ARID4B: variants seen among roughly 807,000 people sequenced by gnomAD.
ARID4B encodes AT-rich interaction domain 4B.
In ARID4B, 26 loss-of-function variants were observed where a neutral mutation model predicts 147.5. The ratio of observed to expected loss-of-function variants is 0.18; its 90% CI spans 0.13 to 0.24. ARID4B has a LOEUF of 0.24. ARID4B is among the 10% of genes least tolerant of loss of function. The pLI is 1.00. For synonymous variants in ARID4B, 512 were observed against 507.9 expected, an observed-to-expected ratio of 1.01 and a Z score of -0.11; for missense variants, 1,179 against 1,511.5, an observed-to-expected ratio of 0.78 and a Z score of 3.65.
chr1:235,203,399 T>C (rs1011411220), intron 17 of ARID4B, among the ~76,000 whole-genome samples: 3 of 152,190 alleles, frequency 2.0e-5, no homozygotes, highest in Non-Finnish European at 4.4e-5. Context: ...AGTTAATATA[T>C]ACCTAAAAAG....
At chr1:235,302,180 G>GAA (rs1673214959) in intron 2 of ARID4B, among the ~76,000 whole-genome samples, 1 of 39,686 alleles carries the variant, frequency 2.5e-5, no homozygotes, top group Non-Finnish European at 4.8e-5. Flanking sequence ...AAAAAAAACA[G>GAA]CAAAAAAAAA....
chr1:235,187,453 A>G (rs1217924004), intron 19 of ARID4B, among the ~76,000 whole-genome samples: 1 of 152,098 alleles, frequency 6.6e-6, no homozygotes, highest in African/African-American at 2.4e-5. Flanking sequence ...CCCTATTAAA[A>G]CTTGATTGAC....
intron 2 of ARID4B, among the ~76,000 whole-genome samples, chr1:235,274,261 C>T (rs1333180781): frequency 6.6e-6 from 1 of 151,336 alleles, no homozygotes; most frequent in Non-Finnish European, 1.5e-5. Flanking sequence ...GCTTGGGAGG[C>T]TACTTGGGAG....
intron 16 of ARID4B, among the ~76,000 whole-genome samples, chr1:235,215,587 T>TGTGTGTGTG (rs1553293298): frequency 1.2e-5 from 1 of 80,370 alleles, no homozygotes; most frequent in Non-Finnish European, 3.2e-5. Context: ...GTGTATATAT[T>TGTGTGTGTG]TTTCCCCCCC....
At chr1:235,201,756 T>C (rs941822267) in intron 17 of ARID4B, among the ~76,000 whole-genome samples, 1 of 151,866 alleles carries the variant, frequency 6.6e-6, no homozygotes, top group African/African-American at 2.4e-5. Context: ...CGGTGGCGCA[T>C]GTCTATAATC....
intron 21 of ARID4B, among the ~76,000 whole-genome samples, chr1:235,176,437 CAAA>C (rs34808765): frequency 4.7e-3 from 106 of 22,474 alleles, no homozygotes; most frequent in African/African-American, 9.7e-3. Flanking sequence ...ACAACATCAC[CAAA>C]AAAAAAAAAA....
intron 2 of ARID4B, among the ~76,000 whole-genome samples, chr1:235,279,001 T>A (rs1246115320): frequency 6.6e-6 from 1 of 152,038 alleles, no homozygotes; most frequent in East Asian, 1.9e-4. Context: ...AGCCTCCACC[T>A]CCCAGGCTGA....
intron 19 of ARID4B, among the ~76,000 whole-genome samples, chr1:235,183,190 T>C (rs994031054): frequency 6.6e-6 from 1 of 152,014 alleles, no homozygotes; most frequent in Admixed American, 6.6e-5. Flanking sequence ...TAATCCCAGA[T>C]TGTGCTACCT....
intron 2 of ARID4B, among the ~76,000 whole-genome samples, chr1:235,316,923 C>T (rs1368943423): frequency 1.3e-5 from 2 of 152,164 alleles, no homozygotes; most frequent in Non-Finnish European, 2.9e-5. Context: ...GTTCATGTTA[C>T]ACCAAAGGGA....
At chr1:235,176,437 CAAAAAAAAAA>C (rs34808765) in intron 21 of ARID4B, among the ~76,000 whole-genome samples, 74 of 22,532 alleles carry the variant, frequency 3.3e-3, no homozygotes, top group Middle Eastern at 0.045. Context: ...ACAACATCAC[CAAAAAAAAAA>C]AAAAAAAAAA....
At chr1:235,243,974 T>C (rs1227259121) in intron 7 of ARID4B, among the ~76,000 whole-genome samples, 4 of 152,176 alleles carry the variant, frequency 2.6e-5, no homozygotes, top group African/African-American at 9.6e-5. Context: ...TACACAATTT[T>C]ATGAATATAC....
chr1:235,286,632 T>G (rs139243633), intron 2 of ARID4B, among the ~76,000 whole-genome samples: 2 of 152,154 alleles, frequency 1.3e-5, no homozygotes, highest in Non-Finnish European at 2.9e-5. Flanking sequence ...AGAGCTATAG[T>G]GCATGAGGAA....
At chr1:235,242,170 C>A (rs1669027244) in intron 7 of ARID4B, among the ~76,000 whole-genome samples, 2 of 151,754 alleles carry the variant, frequency 1.3e-5, no homozygotes, top group African/African-American at 4.8e-5. Context: ...ATTGCCTGAA[C>A]CCGGGAGGCG....
At chr1:235,224,570 G>GAT in intron 12 of ARID4B, 133 bp downstream of exon 12, 1 of 668,186 alleles carries the variant, frequency 1.5e-6, no homozygotes, top group Non-Finnish European at 2.7e-6. Flanking sequence ...AGGTGCTGGT[G>GAT]ATATCAGAGT....
At chr1:235,263,284 A>C (rs1015645927) in intron 2 of ARID4B, among the ~76,000 whole-genome samples, 1 of 152,262 alleles carries the variant, frequency 6.6e-6, no homozygotes, top group African/African-American at 2.4e-5. Context: ...GGAACATATA[A>C]AAATTTAGGA....
At chr1:235,235,281 A>G (rs925431948) in intron 8 of ARID4B, among the ~76,000 whole-genome samples, 2 of 152,204 alleles carry the variant, frequency 1.3e-5, no homozygotes, top group African/African-American at 4.8e-5. Context: ...TTAGGTGGCT[A>G]AAAGACATCC....
intron 2 of ARID4B, among the ~76,000 whole-genome samples, chr1:235,320,472 G>C (rs889614146): frequency 6.6e-6 from 1 of 152,136 alleles, no homozygotes. Context: ...GGACTAGCTT[G>C]ACAGCCTTCT....
intron 3 of ARID4B, among the ~76,000 whole-genome samples, chr1:235,257,708 C>CTA (rs544600867): frequency 5.7e-4 from 86 of 152,094 alleles, no homozygotes; most frequent in African/African-American, 2.0e-3. Flanking sequence ...CTCAAACTCC[C>CTA]AACCTCAAGT....
chr1:235,206,909 G>A (rs959732537), intron 17 of ARID4B, among the ~76,000 whole-genome samples: 1 of 152,212 alleles, frequency 6.6e-6, no homozygotes, highest in African/African-American at 2.4e-5. Flanking sequence ...TAGAAGTCAG[G>A]CTCCAGAAAA....
Sources: allele counts gnomAD v4.1 joint callset (sites outside exome capture counted in the v4.1 genomes callset), GRCh38; gene constraint gnomAD v4.1.1; transcripts MANE v1.5; gene names NCBI Gene and HGNC (gene_info 2026-07-23, HGNC 2026-07-21).